ZFYVE28: variants seen among roughly 807,000 people sequenced by gnomAD.
ZFYVE28 encodes the protein lateral signaling target protein 2 homolog.
Under a neutral mutation model 82.1 loss-of-function variants are expected in ZFYVE28, and 40 were observed. The observed-to-expected ratio is 0.49, with a 90% CI of 0.38 to 0.63. ZFYVE28 has a LOEUF of 0.63. Among genes scored for constraint, ZFYVE28 ranks in the 30% least tolerant of loss-of-function variants. The probability of loss-of-function intolerance (pLI) is 0.00; values close to 1 mark genes in which losing one functional copy is unlikely to be tolerated. For synonymous variants in ZFYVE28, 612 were observed against 546.1 expected, an observed-to-expected ratio of 1.12 and a Z score of -1.68; for missense variants, 1,321 against 1,242.1, an observed-to-expected ratio of 1.06 and a Z score of -0.96.
Position 2,304,748 on chromosome 4 carries a change from A to G in ZFYVE28, c.1592T>C (p.Val531Ala), listed in dbSNP as rs972162250. The G allele has an allele frequency of 1.2e-6, 2 of 1,612,476 alleles. No individual in the cohort carries two copies. The highest frequency in any genetic ancestry group is 2.7e-5 in the African/African-American group (2 of 74,860). ...PKSPTSLDSA[V>A]ATQEAASEPV... ...CTCCGAGGCGGCCTCCTGGGTGGCG[A>G]CCGCAGAGTCCAGGGAAGTGGGCGA... The change falls in exon 8 of 13, where the codon GTC (valine) becomes GCC (alanine). Residue 531 changes from valine to alanine, a missense_variant. Transcript: ENST00000290974.
rs1238451852 is a variant in ZFYVE28, at chr4:2,339,156, C to T, written c.521+297G>A. 3.9e-5 allele frequency among the ~76,000 whole-genome samples: 6 copies of T among 152,126 alleles called. No homozygotes were observed. Among genetic ancestry groups the T allele is most frequent in the Admixed American group, 6.5e-5 (1 of 15,286 alleles). The stretch of plus-strand genomic sequence containing the variant: ...TCACCTGTGACGTCTCTTCATCTTC[C>T]GAGGCATCATGCATGTCTGGCCCCT... On this transcript the variant is annotated intron_variant, in intron 4 of 12. Coordinates refer to ENST00000290974, the MANE Select transcript of ZFYVE28 (RefSeq NM_020972.3). The surrounding 1 kb of genome is among the most constrained non-coding windows in gnomAD (Gnocchi z 5.0).
chr4:2,297,356 A>G (rs887010478), intron 8 of ZFYVE28, among the ~76,000 whole-genome samples: 1 of 152,126 alleles, frequency 6.6e-6, no homozygotes, highest in African/African-American at 2.4e-5. Flanking sequence ...CTCCTCCGTG[A>G]CACCTCTGAG....
At chr4:2,356,597 C>T (rs958442240) in intron 1 of ZFYVE28, among the ~76,000 whole-genome samples, 1 of 152,242 alleles carries the variant, frequency 6.6e-6, no homozygotes, top group Non-Finnish European at 1.5e-5. Flanking sequence ...ACATTCCCTC[C>T]ATGGGCCCAG....
chr4:2,291,190 C>T (rs751607623), intron 8 of ZFYVE28, among the ~76,000 whole-genome samples: 25 of 152,152 alleles, frequency 1.6e-4, no homozygotes, highest in Admixed American at 3.3e-4. Flanking sequence ...CAGCTGAGGA[C>T]GGCATCCTGG....
At chr4:2,389,365 G>GC (rs1729591377) in intron 1 of ZFYVE28, among the ~76,000 whole-genome samples, 1 of 152,182 alleles carries the variant, frequency 6.6e-6, no homozygotes, top group African/African-American at 2.4e-5. Flanking sequence ...CTACCCCCAT[G>GC]CCCCACCCTG....
chr4:2,330,747 C>A (rs1027580677), intron 6 of ZFYVE28: 39 of 1,484,966 alleles, frequency 2.6e-5, no homozygotes, highest in Non-Finnish European at 3.5e-5. Flanking sequence ...GGGGACAGTG[C>A]GGGGGAGGGG....
At position 2,304,024 on chromosome 4, in the gene ZFYVE28, A is replaced by G. The variant is rs967094163; in HGVS notation, c.2051+265T>C. On this transcript the variant is annotated intron_variant, in intron 8 of 12. Coordinates refer to ENST00000290974, the MANE Select transcript of ZFYVE28 (RefSeq NM_020972.3). ...TGGCACTGCGCCCATGTCACCTGAC[A>G]GGCACCCGGAACATCAGAAACAGGG... 5.3e-5 allele frequency among the ~76,000 whole-genome samples: 8 copies of G among 152,348 alleles called. No homozygotes were observed. The East Asian group carries it at 5.8e-4, about 11-fold the overall frequency.
chr4:2,306,320 T>C (rs779863615), intron 7 of ZFYVE28, among the ~76,000 whole-genome samples: 15 of 152,254 alleles, frequency 9.9e-5, no homozygotes, highest in Non-Finnish European at 2.1e-4. Flanking sequence ...AGCACAGCCA[T>C]GGCTATTGTG....
chr4:2,292,195 G>A (rs1036306747), intron 8 of ZFYVE28, among the ~76,000 whole-genome samples: 1 of 152,224 alleles, frequency 6.6e-6, no homozygotes, highest in African/African-American at 2.4e-5. Context: ...GGTTGGAAGG[G>A]ATGGCCCAGC....
intron 1 of ZFYVE28, among the ~76,000 whole-genome samples, chr4:2,413,056 G>A (rs1160090855): frequency 3.3e-5 from 5 of 152,212 alleles, no homozygotes; most frequent in African/African-American, 9.7e-5. Context: ...AGAGCCCTGA[G>A]TGATGACAGA....
At chr4:2,356,734 A>C (rs1725390164) in intron 1 of ZFYVE28, among the ~76,000 whole-genome samples, 1 of 152,146 alleles carries the variant, frequency 6.6e-6, no homozygotes, top group Non-Finnish European at 1.5e-5. Flanking sequence ...GTGGAAGGAG[A>C]GGAGGGGAGG....
chr4:2,284,101 G>A (rs939342008), intron 8 of ZFYVE28, among the ~76,000 whole-genome samples: 2 of 152,218 alleles, frequency 1.3e-5, no homozygotes, highest in South Asian at 2.1e-4. Flanking sequence ...TGGAGCCCCC[G>A]CATCCACATT....
chr4:2,312,645 A>C (rs1403891463), intron 7 of ZFYVE28, among the ~76,000 whole-genome samples: 1 of 146,018 alleles, frequency 6.8e-6, no homozygotes, highest in East Asian at 2.1e-4. Flanking sequence ...GGAGAATGGC[A>C]TGAACCCAGG....
At chr4:2,338,383 G>A (rs550491343) in intron 4 of ZFYVE28, among the ~76,000 whole-genome samples, 1 of 152,226 alleles carries the variant, frequency 6.6e-6, no homozygotes, top group Admixed American at 6.5e-5. Context: ...TTGAGGTCAG[G>A]CATTTGAGAC....
intron 7 of ZFYVE28, among the ~76,000 whole-genome samples, chr4:2,319,346 C>T (rs568470449): frequency 7.7e-4 from 117 of 152,312 alleles, no homozygotes; most frequent in African/African-American, 2.6e-4. Flanking sequence ...AACCCACTGA[C>T]GCCAAGGACC....
In ZFYVE28 at chr4:2,381,404, TTTG is replaced by T. The variant is rs202213900; in HGVS notation, c.40-27334_40-27332del. Among the ~76,000 whole-genome samples, 383 of 152,136 alleles carry T rather than the reference TTTG, an allele frequency of 2.5e-3. 7 individuals are homozygous for T. In the East Asian group the frequency reaches 0.061, roughly 24 times the overall value. On this transcript the variant is annotated intron_variant, in intron 1 of 12. Coordinates refer to ENST00000290974, the MANE Select transcript of ZFYVE28 (RefSeq NM_020972.3). ...TCGGAAAATTTGCAGCCTGACAGTTTTTGTTGTTGTTGTTGTTTTTGAGACAGA... is the reference window on the plus strand; with the variant it reads ...TCGGAAAATTTGCAGCCTGACAGTTTTTGTTGTTGTTGTTTTTGAGACAGA...
chr4:2,374,629 G>C (rs959746336), intron 1 of ZFYVE28, among the ~76,000 whole-genome samples: 1 of 148,704 alleles, frequency 6.7e-6, no homozygotes, highest in Non-Finnish European at 1.5e-5. Flanking sequence ...AAGAAAAGAA[G>C]AAGAAGGAGA....
chr4:2,392,831 C>A (rs1215102381), intron 1 of ZFYVE28, among the ~76,000 whole-genome samples: 1 of 152,162 alleles, frequency 6.6e-6, no homozygotes, highest in Non-Finnish European at 1.5e-5. Context: ...TGGCATCAGT[C>A]GAGAGGCTCA....
chr4:2,339,749 C>T lies in ZFYVE28; in HGVS notation c.319-94G>A. 8.5e-7 allele frequency: 1 copy of T among 1,179,250 alleles called. No individual in the cohort carries two copies. The highest frequency in any genetic ancestry group is 1.5e-5 in the South Asian group (1 of 66,142). The allele number at this position is 1,179,250 out of a possible 1,614,324, so 73.0% of individuals were successfully genotyped here. A position where few individuals can be genotyped will look rare whatever the true frequency, so the allele number is the denominator to read the frequency against. Reference sequence around the variant, plus strand: ...GGAACCTGACTGCGCACCTCGGGGCCCCTCTTCTCACCCCACAGCACAGGC... The same window carrying T: ...GGAACCTGACTGCGCACCTCGGGGCTCCTCTTCTCACCCCACAGCACAGGC... On this transcript the variant is annotated intron_variant, in intron 3 of 12. Transcript: ENST00000290974. The surrounding 1 kb of genome is among the most constrained non-coding windows in gnomAD (Gnocchi z 5.0).
Sources: gnomAD v4.1 joint callset for allele counts (sites outside exome capture counted in the v4.1 genomes callset) on GRCh38, gnomAD v4.1.1 for gene constraint, Gnocchi (gnomAD v3.1) non-coding constraint, MANE v1.5 for transcripts, NCBI Gene and HGNC (gene_info 2026-07-23, HGNC 2026-07-21) for gene names.